The following RGS3 variants were observed in gnomAD, a reference collection of about 807,000 sequenced individuals.
The protein encoded by RGS3 is regulator of G protein signaling 3.
A neutral mutation model predicts 132.6 loss-of-function variants in RGS3; 80 were observed. The ratio of observed to expected loss-of-function variants is 0.60; its 90% CI spans 0.50 to 0.73. The LOEUF (loss-of-function observed/expected upper bound fraction) is 0.73, where lower values mean the gene tolerates loss of function less well. RGS3 is among the 30% of genes least tolerant of loss of function. The pLI, the probability that RGS3 is intolerant of heterozygous loss-of-function variation, is 0.00. For synonymous variants in RGS3, 598 were observed against 620.6 expected, an observed-to-expected ratio of 0.96 and a Z score of 0.54; for missense variants, 1,382 against 1,530.8, an observed-to-expected ratio of 0.90 and a Z score of 1.62.
intron 14 of RGS3, 23 bp from the exon 13 acceptor site, chr9:113,514,435 A>G: frequency 1.2e-6 from 2 of 1,602,988 alleles, no homozygotes; most frequent in Non-Finnish European, 1.7e-6. Flanking sequence ...AATGTCTCAT[A>G]GTCCCCCATC....
intron 19 of RGS3, among the ~76,000 whole-genome samples, chr9:113,542,468 C>T (rs1469049444): frequency 1.3e-5 from 2 of 152,140 alleles, no homozygotes; most frequent in Admixed American, 1.3e-4. Flanking sequence ...TTAGGGGGCT[C>T]GTTCAGTTCT....
At position 113,463,734 on chromosome 9, in the gene RGS3, C is replaced by CCGGTGCAGGGGGCGGTGAGCCTGCTGCCT. The variant is rs1829533360; in HGVS notation, c.415+1537_415+1538insGCAGGGGGCGGTGAGCCTGCTGCCTCGGT. The CCGGTGCAGGGGGCGGTGAGCCTGCTGCCT allele has an allele frequency of 1.4e-5, 21 of 1,521,544 alleles. No homozygotes were observed. The East Asian group carries it at 1.5e-4, about 11-fold the overall frequency. 94.3% of individuals were successfully genotyped at this position (1,521,544 alleles called of 1,614,324 possible). Reference sequence around the variant, plus strand: ...TCGCGCTCCTCCCGCCCTGGAGACTCCGGTTACTGGGGAGCAACACAGCCG... The same window carrying CCGGTGCAGGGGGCGGTGAGCCTGCTGCCT: ...TCGCGCTCCTCCCGCCCTGGAGACTCCGGTGCAGGGGGCGGTGAGCCTGCTGCCTCGGTTACTGGGGAGCAACACAGCCG... On this transcript the variant is annotated intron_variant, in intron 3 of 24. Coordinates refer to ENST00000350696, the Ensembl canonical transcript of RGS3. This position sits in a 1 kb window ranked among gnomAD's most constrained non-coding sequence, Gnocchi z 4.6.
At chr9:113,541,496 A>T in intron 19 of RGS3, 1 of 1,580,418 alleles carries the variant, frequency 6.3e-7, no homozygotes. Context: ...ACCACACAGT[A>T]ACCTCACCTC....
Position 113,591,812 on chromosome 9 carries a change from A to G in RGS3, c.3080+415A>G, listed in dbSNP as rs1835442851. The G allele has an allele frequency of 5.4e-6, 1 of 183,816 alleles. No individual in the cohort carries two copies. Among genetic ancestry groups the G allele is most frequent in the Admixed American group, 5.3e-5 (1 of 18,718 alleles). 11.4% of individuals were successfully genotyped at this position (183,816 alleles called of 1,614,324 possible). On this transcript the variant is annotated intron_variant, in intron 21 of 24. Transcript: ENST00000350696. The surrounding 1 kb of genome is among the most constrained non-coding windows in gnomAD (Gnocchi z 4.4). ...TCTCTTCCTGAGCTCCTGAATGCTA[A>G]TAGTCTCAGGCATTGCCAGGAGGGG...
At chr9:113,554,745 T>C (rs1833497842) in intron 19 of RGS3, among the ~76,000 whole-genome samples, 1 of 152,240 alleles carries the variant, frequency 6.6e-6, no homozygotes, top group Non-Finnish European at 1.5e-5. Context: ...ATTTGCTTAT[T>C]ATATGGGTTA....
intron 19 of RGS3, among the ~76,000 whole-genome samples, chr9:113,539,248 G>A (rs1485335858): frequency 6.6e-6 from 1 of 152,216 alleles, no homozygotes; most frequent in Admixed American, 6.5e-5. Flanking sequence ...CTCTAGGGCA[G>A]AAGAGGAAGG....
chr9:113,501,630 G>A, intron 10 of RGS3: 1 of 1,562,254 alleles, frequency 6.4e-7, no homozygotes, highest in Non-Finnish European at 8.6e-7. Context: ...GCTACCGCCA[G>A]GTGGGTGCTT....
At chr9:113,540,072 G>T (rs1179617795) in intron 19 of RGS3, among the ~76,000 whole-genome samples, 1 of 151,918 alleles carries the variant, frequency 6.6e-6, no homozygotes, top group Non-Finnish European at 1.5e-5. Context: ...TTTCTCTCTT[G>T]TCTCAACTTC....
intron 19 of RGS3, chr9:113,580,662 C>A: frequency 3.1e-6 from 1 of 323,842 alleles, no homozygotes; most frequent in Non-Finnish European, 4.4e-6. Flanking sequence ...TGGTTAGTTT[C>A]TCGGCTGATC....
chr9:113,519,202 A>G (rs1001440736), intron 16 of RGS3, among the ~76,000 whole-genome samples: 2 of 152,084 alleles, frequency 1.3e-5, no homozygotes, highest in African/African-American at 4.8e-5. Flanking sequence ...CTGGTAAGGA[A>G]TGGAGCCGGG....
intron 3 of RGS3, among the ~76,000 whole-genome samples, chr9:113,470,784 G>A (rs1299356449): frequency 2.0e-5 from 3 of 152,104 alleles, no homozygotes; most frequent in South Asian, 4.1e-4. Context: ...GGGCAACATA[G>A]TGAGAGCTCA....
At chr9:113,488,803 G>A (rs1394856104) in intron 7 of RGS3, among the ~76,000 whole-genome samples, 1 of 152,210 alleles carries the variant, frequency 6.6e-6, no homozygotes, top group South Asian at 2.1e-4. Flanking sequence ...TGAGCAGCAC[G>A]CAGGCCGGCC....
intron 16 of RGS3, among the ~76,000 whole-genome samples, chr9:113,520,662 C>T (rs898788327): frequency 6.6e-6 from 1 of 151,564 alleles, no homozygotes; most frequent in African/African-American, 2.4e-5. Flanking sequence ...CTTGAGTCAG[C>T]GACACGTTTT....
intron 17 of RGS3, among the ~76,000 whole-genome samples, chr9:113,526,728 C>G (rs948748518): frequency 3.3e-5 from 5 of 152,172 alleles, no homozygotes; most frequent in Middle Eastern, 3.2e-3. Flanking sequence ...CCACCCAGCC[C>G]GTGATTGGGG....
intron 19 of RGS3, chr9:113,564,861 C>T: frequency 1.1e-6 from 1 of 930,614 alleles, no homozygotes; most frequent in Non-Finnish European, 1.3e-6. Flanking sequence ...GCTGCAGGAG[C>T]CTGGGTTCAG....
intron 19 of RGS3, among the ~76,000 whole-genome samples, chr9:113,577,130 C>T (rs546275956): frequency 1.0e-3 from 152 of 152,136 alleles, no homozygotes; most frequent in African/African-American, 3.4e-3. Flanking sequence ...ATTACAGGTG[C>T]GCGCCATGTT....
chr9:113,526,355 G>C (rs924907815), intron 17 of RGS3, among the ~76,000 whole-genome samples: 1 of 152,196 alleles, frequency 6.6e-6, no homozygotes, highest in South Asian at 2.1e-4. Context: ...CAGTGCTGGG[G>C]TGGTAGCAGT....
At chr9:113,563,150 G>A (rs1361015043) in intron 19 of RGS3, among the ~76,000 whole-genome samples, 2 of 152,230 alleles carry the variant, frequency 1.3e-5, no homozygotes, top group Non-Finnish European at 2.9e-5. Context: ...ATTGATGAAT[G>A]TATTCTGGAC....
intron 19 of RGS3, among the ~76,000 whole-genome samples, chr9:113,552,823 A>C (rs923860697): frequency 6.6e-6 from 1 of 152,230 alleles, no homozygotes; most frequent in African/African-American, 2.4e-5. Context: ...AAAGAATTTC[A>C]TATAGGTCTT....
Sources: gnomAD v4.1 joint callset for allele counts (sites outside exome capture counted in the v4.1 genomes callset) on GRCh38, gnomAD v4.1.1 for gene constraint, Gnocchi (gnomAD v3.1) non-coding constraint, MANE v1.5 for transcripts, NCBI Gene and HGNC (gene_info 2026-07-23, HGNC 2026-07-21) for gene names.